Variants in ADARB2 observed in about 807,000 individuals in gnomAD.
The protein encoded by ADARB2 is adenosine deaminase RNA specific B2 (inactive).
A neutral mutation model predicts 62.2 loss-of-function variants in ADARB2; 25 were observed. That is an observed-to-expected ratio of 0.40 (90% CI 0.29 to 0.56). The LOEUF (loss-of-function observed/expected upper bound fraction) is 0.56. Ranked by LOEUF, ADARB2 falls within the 20% of genes least tolerant of loss-of-function variation. ADARB2 has a pLI of 0.43. For synonymous variants in ADARB2, 572 were observed against 500.8 expected (o/e 1.14, Z -1.90); for missense variants, 1,071 against 1,077.4 (o/e 0.99, Z 0.08).
chr10:1,488,077 A>G (rs1330930439), intron 1 of ADARB2, among the ~76,000 whole-genome samples: 1 of 152,208 alleles, frequency 6.6e-6, no homozygotes, highest in Non-Finnish European at 1.5e-5. Flanking sequence ...TTGAGAAAGC[A>G]CTCAATATAA....
intron 1 of ADARB2, among the ~76,000 whole-genome samples, chr10:1,382,868 T>C (rs1189074211): frequency 1.3e-5 from 2 of 152,178 alleles, no homozygotes; most frequent in Non-Finnish European, 2.9e-5. Context: ...AGGGGTCGGC[T>C]GGGCACTCCC....
chr10:1,435,657 G>A (rs529735040), intron 1 of ADARB2, among the ~76,000 whole-genome samples: 16 of 151,918 alleles, frequency 1.1e-4, no homozygotes, highest in Non-Finnish European at 2.1e-4. Flanking sequence ...AGGGTTCACA[G>A]CATCGTTCCA....
intron 5 of ADARB2, among the ~76,000 whole-genome samples, chr10:1,235,583 T>C (rs1204876586): frequency 8.2e-5 from 5 of 61,240 alleles, no homozygotes; most frequent in Non-Finnish European, 1.0e-4. Context: ...CCTCCCGGTG[T>C]TTACTCCCCT....
intron 1 of ADARB2, among the ~76,000 whole-genome samples, chr10:1,736,602 C>T (rs1260861936): frequency 6.6e-6 from 1 of 152,250 alleles, no homozygotes; most frequent in Non-Finnish European, 1.5e-5. Context: ...GATCGCAGGG[C>T]TTCGCCTATC....
intron 1 of ADARB2, among the ~76,000 whole-genome samples, chr10:1,570,054 T>C (rs1453369525): frequency 1.3e-5 from 2 of 152,194 alleles, no homozygotes; most frequent in African/African-American, 2.4e-5. Flanking sequence ...ATATTGATTT[T>C]TGGCACCGAG....
chr10:1,178,088 G>A lies in ADARB2; in HGVS notation c.*5105C>T, dbSNP rs1836613015. ...GACTGCAGCAACTCCCTGTGCACAA[G>A]GCATCAGGAACCCAGCGGGGCTCCC... On this transcript the variant is annotated 3_prime_UTR_variant, in exon 10 of 10. Coordinates refer to ENST00000381312, the MANE Select transcript of ADARB2 (RefSeq NM_018702.4). 6.6e-6 allele frequency: 1 copy of A among 152,260 alleles called. No homozygotes were observed. Among genetic ancestry groups the A allele is most frequent in the Non-Finnish European group, 1.5e-5 (1 of 68,100 alleles). The allele number at this position is 152,260 out of a possible 1,614,324, so 9.4% of individuals were successfully genotyped here. A position where few individuals can be genotyped will look rare whatever the true frequency, so the allele number is the denominator to read the frequency against.
rs1218313274 is a variant in ADARB2 at position 1,704,489 on chromosome 10, A to G, written c.100+32562T>C. Among the ~76,000 whole-genome samples the G allele has an allele frequency of 1.3e-5, 2 of 152,136 alleles. No homozygotes were observed. Among genetic ancestry groups the G allele is most frequent in the East Asian group, 3.9e-4 (2 of 5,182 alleles). On this transcript the variant is annotated intron_variant, in intron 1 of 9. Coordinates refer to ENST00000381312, the MANE Select transcript of ADARB2 (RefSeq NM_018702.4). This position sits in a 1 kb window ranked among gnomAD's most constrained non-coding sequence, Gnocchi z 5.6. The stretch of plus-strand genomic sequence containing the variant: ...CCTATAGGAATCTAATGCCACTGTG[A>G]CCTGACAGAAGGCAGAGCTCAGACA...
intron 1 of ADARB2, among the ~76,000 whole-genome samples, chr10:1,439,388 T>C (rs1204201034): frequency 1.4e-5 from 2 of 142,764 alleles, no homozygotes; most frequent in East Asian, 2.2e-4. Flanking sequence ...GGCCCTTCAC[T>C]ATGGGGCTCC....
At chr10:1,587,294 G>C (rs918406169) in intron 1 of ADARB2, among the ~76,000 whole-genome samples, 17 of 152,306 alleles carry the variant, frequency 1.1e-4, no homozygotes, top group Admixed American at 9.2e-4. Flanking sequence ...TGGGCGTCCG[G>C]GGGCCCTTTA....
At chr10:1,379,647 T>C (rs528499649) in intron 1 of ADARB2, among the ~76,000 whole-genome samples, 27 of 152,226 alleles carry the variant, frequency 1.8e-4, no homozygotes, top group Non-Finnish European at 3.5e-4. Context: ...ACCTGTCACT[T>C]AGCGGGTGTT....
intron 3 of ADARB2, among the ~76,000 whole-genome samples, chr10:1,349,800 C>A (rs908298567): frequency 1.3e-5 from 2 of 152,124 alleles, no homozygotes; most frequent in African/African-American, 4.8e-5. Context: ...TATGGGGACG[C>A]CTCTCTGATT....
chr10:1,374,699 C>T (rs1832406876), intron 2 of ADARB2, among the ~76,000 whole-genome samples: 1 of 152,202 alleles, frequency 6.6e-6, no homozygotes, highest in South Asian at 2.1e-4. Flanking sequence ...TCTGCTGGGC[C>T]GTTTGCACGC....
intron 1 of ADARB2, among the ~76,000 whole-genome samples, chr10:1,501,106 C>T (rs987378820): frequency 6.6e-6 from 1 of 152,170 alleles, no homozygotes; most frequent in African/African-American, 2.4e-5. Flanking sequence ...AACTTCTGAC[C>T]TCGTGATCTG....
At chr10:1,204,798 C>A (rs1044785391) in intron 7 of ADARB2, among the ~76,000 whole-genome samples, 1 of 152,210 alleles carries the variant, frequency 6.6e-6, no homozygotes, top group East Asian at 1.9e-4. Context: ...TTGCTGAGCA[C>A]GGGTCTGGTG....
chr10:1,519,406 G>A (rs547703876), intron 1 of ADARB2, among the ~76,000 whole-genome samples: 10 of 152,290 alleles, frequency 6.6e-5, no homozygotes, highest in African/African-American at 1.7e-4. Flanking sequence ...ATATGCATGC[G>A]TTTGTGTAGT....
intron 1 of ADARB2, among the ~76,000 whole-genome samples, chr10:1,626,121 CCCCACG>C (rs1833764655): frequency 1.4e-5 from 2 of 142,004 alleles, no homozygotes; most frequent in African/African-American, 5.8e-5. Context: ...CAGACACTAA[CCCCACG>C]TCTGCCCATG....
At chr10:1,572,744 G>A (rs1014270257) in intron 1 of ADARB2, among the ~76,000 whole-genome samples, 11 of 152,322 alleles carry the variant, frequency 7.2e-5, no homozygotes, top group Middle Eastern at 6.8e-3. Context: ...GTCACTGAGT[G>A]GGAGGATCCA....
rs188008618 is a variant in ADARB2 at position 1,190,058 on chromosome 10, C to T, written c.1865-5019G>A. ...GGCGATTGAGGGACAGAGCCTGTGT[C>T]GTCTGAACTCAGAAAACGTGAGCAT... On this transcript the variant is annotated intron_variant, in intron 8 of 9. Transcript: ENST00000381312. 2.2e-3 allele frequency among the ~76,000 whole-genome samples: 336 copies of T among 152,232 alleles called. 6 individuals carry two copies. The highest frequency in any genetic ancestry group is 0.014 in the Middle Eastern group (4 of 294).
At chr10:1,585,642 C>T (rs1458037930) in intron 1 of ADARB2, among the ~76,000 whole-genome samples, 1 of 152,188 alleles carries the variant, frequency 6.6e-6, no homozygotes. Flanking sequence ...ACCTGGAAGC[C>T]CCTGCTGACC....
Sources: allele counts gnomAD v4.1 joint callset (sites outside exome capture counted in the v4.1 genomes callset), GRCh38; gene constraint gnomAD v4.1.1; non-coding constraint Gnocchi (gnomAD v3.1); transcripts MANE v1.5; gene names NCBI Gene and HGNC (gene_info 2026-07-23, HGNC 2026-07-21).